EXT1: variants seen among roughly 807,000 people sequenced by gnomAD.
EXT1 encodes exostosin-1.
Under a neutral mutation model 82.5 loss-of-function variants are expected in EXT1, and 20 were observed. The observed-to-expected ratio is 0.24, with a 90% confidence interval of 0.17 to 0.35. The LOEUF is 0.35. EXT1 is among the 10% of genes least tolerant of loss of function. The pLI, the probability that EXT1 is intolerant of heterozygous loss-of-function variation, is 1.00. For synonymous variants in EXT1, 348 were observed against 350.8 expected (o/e 0.99, Z 0.09); for missense variants, 757 against 936.5 (o/e 0.81, Z 2.50).
intron 1 of EXT1, among the ~76,000 whole-genome samples, chr8:118,102,004 C>T (rs1053818992): frequency 2.0e-5 from 3 of 151,020 alleles, no homozygotes; most frequent in Non-Finnish European, 2.9e-5. Context: ...CTGTAGCTCA[C>T]GCCTGTAATC....
At chr8:118,082,012 A>T (rs1817342236) in intron 1 of EXT1, among the ~76,000 whole-genome samples, 1 of 152,200 alleles carries the variant, frequency 6.6e-6, no homozygotes, top group African/African-American at 2.4e-5. Context: ...GTTCTTGTAA[A>T]AGAGGAGTGT....
intron 1 of EXT1, among the ~76,000 whole-genome samples, chr8:118,067,673 C>T (rs1318113285): frequency 2.6e-5 from 4 of 152,220 alleles, no homozygotes; most frequent in Non-Finnish European, 4.4e-5. Context: ...ATTAAATTAA[C>T]GATCCAGCAA....
intron 1 of EXT1, among the ~76,000 whole-genome samples, chr8:118,060,706 G>A (rs1288256261): frequency 6.6e-6 from 1 of 152,206 alleles, no homozygotes; most frequent in African/African-American, 2.4e-5. Flanking sequence ...AGTTAAAGGA[G>A]AGATGATTAA....
At chr8:117,960,925 G>A (rs1213744412) in intron 1 of EXT1, among the ~76,000 whole-genome samples, 6 of 152,068 alleles carry the variant, frequency 3.9e-5, no homozygotes, top group Non-Finnish European at 5.9e-5. Context: ...TGCCTGAGAT[G>A]GTCTACACTA....
At chr8:117,831,294 G>T (rs561114082) in intron 3 of EXT1, among the ~76,000 whole-genome samples, 1 of 152,144 alleles carries the variant, frequency 6.6e-6, no homozygotes, top group Admixed American at 6.5e-5. Flanking sequence ...AAAGTACTAA[G>T]GTTTTAATGA....
chr8:117,959,837 G>C (rs559554676), intron 1 of EXT1, among the ~76,000 whole-genome samples: 2 of 152,326 alleles, frequency 1.3e-5, no homozygotes, highest in East Asian at 3.9e-4. Flanking sequence ...CTAAAAGATA[G>C]TAAAGTTACT....
chr8:118,080,683 G>A (rs1167795976), intron 1 of EXT1, among the ~76,000 whole-genome samples: 1 of 152,132 alleles, frequency 6.6e-6, no homozygotes, highest in African/African-American at 2.4e-5. Context: ...AAGGATTTTT[G>A]CCACCGAAAG....
At chr8:117,957,599 A>C (rs1184882789) in intron 1 of EXT1, among the ~76,000 whole-genome samples, 1 of 152,228 alleles carries the variant, frequency 6.6e-6, no homozygotes, top group Non-Finnish European at 1.5e-5. Flanking sequence ...AGAAGATCAG[A>C]GGGGTTTATA....
intron 1 of EXT1, among the ~76,000 whole-genome samples, chr8:117,918,289 C>T (rs1170274045): frequency 3.3e-5 from 5 of 152,190 alleles, no homozygotes; most frequent in African/African-American, 1.2e-4. Context: ...AACACAGTGC[C>T]AGGTCCTGTG....
intron 1 of EXT1, among the ~76,000 whole-genome samples, chr8:117,932,166 G>T (rs918479151): frequency 6.6e-6 from 1 of 151,808 alleles, no homozygotes; most frequent in Non-Finnish European, 1.5e-5. Flanking sequence ...TGAGGTTTTT[G>T]GGGGGGTGCT....
At chr8:117,834,474 G>A (rs903787498) in intron 3 of EXT1, among the ~76,000 whole-genome samples, 11 of 152,042 alleles carry the variant, frequency 7.2e-5, no homozygotes, top group Non-Finnish European at 1.2e-4. Context: ...GCGTGGTGGT[G>A]TGCACCTGTA....
chr8:117,877,023 G>T (rs866907993), intron 1 of EXT1, among the ~76,000 whole-genome samples: 6 of 152,168 alleles, frequency 3.9e-5, no homozygotes, highest in African/African-American at 1.4e-4. Flanking sequence ...CCCTGGATGT[G>T]CCTCAAAGCT....
At chr8:117,993,754 C>T (rs1815482037) in intron 1 of EXT1, among the ~76,000 whole-genome samples, 2 of 152,188 alleles carry the variant, frequency 1.3e-5, no homozygotes, top group South Asian at 4.1e-4. Flanking sequence ...TTAACCAGGC[C>T]TTCCCAAACA....
intron 1 of EXT1, among the ~76,000 whole-genome samples, chr8:117,950,925 G>A (rs1814479399): frequency 1.3e-5 from 2 of 152,032 alleles, no homozygotes; most frequent in Admixed American, 1.3e-4. Context: ...TTTTTTAAAA[G>A]TTGTAAGTTT....
chr8:117,833,936 T>G (rs1012609035), intron 3 of EXT1, among the ~76,000 whole-genome samples: 6 of 152,240 alleles, frequency 3.9e-5, no homozygotes, highest in Non-Finnish European at 8.8e-5. Context: ...TTCCTCAGTG[T>G]TTCTGCAAGG....
chr8:118,042,547 A>G (rs1410354536), intron 1 of EXT1, among the ~76,000 whole-genome samples: 11 of 152,072 alleles, frequency 7.2e-5, no homozygotes, highest in African/African-American at 2.7e-4. Flanking sequence ...CACCCACCTC[A>G]GCCTCCCAAA....
chr8:118,088,311 A>G (rs999319048), intron 1 of EXT1, among the ~76,000 whole-genome samples: 4 of 152,180 alleles, frequency 2.6e-5, no homozygotes, highest in Admixed American at 2.6e-4. Context: ...ACTCTTCTTT[A>G]TGAAATCGGG....
chr8:117,920,009 A>G (rs997215879), intron 1 of EXT1, among the ~76,000 whole-genome samples: 13 of 152,170 alleles, frequency 8.5e-5, no homozygotes, highest in African/African-American at 3.1e-4. Context: ...CATCATGTTG[A>G]TAGTTGATAT....
chr8:118,029,329 G>A (rs781606992), intron 1 of EXT1, among the ~76,000 whole-genome samples: 2 of 152,108 alleles, frequency 1.3e-5, no homozygotes, highest in Non-Finnish European at 1.5e-5. Flanking sequence ...GGGAGGCTGA[G>A]GTGGGAGAAT....
Sources: allele counts gnomAD v4.1 joint callset (sites outside exome capture counted in the v4.1 genomes callset), GRCh38; gene constraint gnomAD v4.1.1; transcripts MANE v1.5; gene names NCBI Gene and HGNC (gene_info 2026-07-23, HGNC 2026-07-21).